Variants in B3GALT6 observed in about 807,000 individuals in gnomAD.
B3GALT6 encodes the protein beta-1,3-galactosyltransferase 6.
B3GALT6 carries 27 observed loss-of-function variants against 23.3 expected under a neutral mutation model. That is an observed-to-expected ratio of 1.16 (90% CI 0.85 to 1.60). The LOEUF is 1.60. Ranked by LOEUF, B3GALT6 falls within the 40% of genes most tolerant of loss-of-function variation. The probability of loss-of-function intolerance (pLI) is 0.00; values close to 1 mark genes in which losing one functional copy is unlikely to be tolerated. For synonymous variants in B3GALT6, 313 were observed against 232.3 expected, an observed-to-expected ratio of 1.35 and a Z score of -3.16; for missense variants, 554 against 471.1, an observed-to-expected ratio of 1.18 and a Z score of -1.63.
In B3GALT6 at chr1:1,232,772, C is replaced by CGCTGCTGGCCGA; in HGVS notation, c.500_511dup (p.Leu167_Leu170dup). On this transcript the variant is annotated inframe_insertion, in exon 1 of 1. Coordinates refer to ENST00000379198, the MANE Select transcript of B3GALT6 (RefSeq NM_080605.4). ...GACGACTCCTTCGCGCGGCTGGACG[C>CGCTGCTGGCCGA]GCTGCTGGCCGAGCTGCGCGCCCGC... The CGCTGCTGGCCGA allele has an allele frequency of 7.2e-7, 1 of 1,390,922 alleles. No individual in the cohort carries two copies. The highest frequency in any genetic ancestry group is 9.3e-7 in the Non-Finnish European group (1 of 1,074,716). The allele number at this position is 1,390,922 out of a possible 1,614,324, so 86.2% of individuals were successfully genotyped here.
chr1:1,232,983 G>A lies in B3GALT6; in HGVS notation c.705G>A (p.Leu235=). ...VHYLRLSRDY[L]RAWHSEDVSL... ...ACCTGCGCCTCAGCCGCGACTACCT[G>A]CGCGCCTGGCACAGCGAGGACGTGT... Residue 235 remains leucine, a synonymous_variant, in exon 1 of 1, where the codon CTG becomes CTA. Coordinates refer to ENST00000379198, the MANE Select transcript of B3GALT6 (RefSeq NM_080605.4). 1.3e-6 allele frequency: 2 copies of A among 1,563,860 alleles called. No homozygotes were observed. Among genetic ancestry groups the A allele is most frequent in the Non-Finnish European group, 1.7e-6 (2 of 1,162,240 alleles).
rs1443280376 is a variant in B3GALT6, at chr1:1,233,104, C to T, written c.826C>T (p.Leu276=). 7 of 1,563,814 alleles carry T rather than the reference C, an allele frequency of 4.5e-6. No homozygotes were observed. Among genetic ancestry groups the T allele is most frequent in the South Asian group, 2.3e-5 (2 of 85,890 alleles). ...YRSRGCSNQY[L]VTHKQSLEDM... ...GTCCCGCGGCTGCAGCAACCAGTAC[C>T]TGGTGACGCACAAGCAGAGCCTGGA... The change falls in exon 1 of 1, where the codon CTG becomes TTG. Residue 276 remains leucine (L), a synonymous_variant. Transcript: ENST00000379198.
In B3GALT6 at chr1:1,234,101, C is replaced by A. The variant is rs979035698; in HGVS notation, c.*833C>A. On this transcript the variant is annotated 3_prime_UTR_variant, in exon 1 of 1. Transcript: ENST00000379198. ...GTACTTTAACACATCCTTGAAAGCC[C>A]CTCGTTTAATGAGAAAAGCGAACAC... 1 of 166,842 alleles carries A rather than the reference C, an allele frequency of 6.0e-6. No individual in the cohort carries two copies. Among genetic ancestry groups the A allele is most frequent in the East Asian group, 1.9e-4 (1 of 5,210 alleles). The allele number at this position is 166,842 out of a possible 1,614,324, so 10.3% of individuals were successfully genotyped here. A position where few individuals can be genotyped will look rare whatever the true frequency, so the allele number is the denominator to read the frequency against.
At position 1,233,604 on chromosome 1, in the gene B3GALT6, C is replaced by T. The variant is rs1274284227; in HGVS notation, c.*336C>T. 1 of 278,440 alleles carries T rather than the reference C, an allele frequency of 3.6e-6. No individual in the cohort carries two copies. The highest frequency in any genetic ancestry group is 7.1e-6 in the Non-Finnish European group (1 of 140,104). 17.2% of individuals were successfully genotyped at this position (278,440 alleles called of 1,614,324 possible). On this transcript the variant is annotated 3_prime_UTR_variant, in exon 1 of 1. Coordinates refer to ENST00000379198, the MANE Select transcript of B3GALT6 (RefSeq NM_080605.4). ...TCTCACGTCTGCGTCTCAGATCTAA[C>T]GTGGTTTCACATCAATCCGCTTTCA...
At position 1,232,710 on chromosome 1, in the gene B3GALT6, C is replaced by T; in HGVS notation, c.432C>T (p.Asp144=). The T allele has an allele frequency of 9.8e-6, 14 of 1,426,506 alleles. No individual in the cohort carries two copies. The highest frequency in any genetic ancestry group is 1.2e-5 in the Non-Finnish European group (13 of 1,090,588). 88.4% of individuals were successfully genotyped at this position (1,426,506 alleles called of 1,614,324 possible). A position where few individuals can be genotyped will look rare whatever the true frequency, so the allele number is the denominator to read the frequency against. Residue 144 remains aspartate (D), a synonymous_variant, in exon 1 of 1, where the codon GAC becomes GAT. Transcript: ENST00000379198. ...AKVLAMLAWL[D]EHVAFEFVLK... ...TGCTGGCCATGCTGGCCTGGCTGGA[C>T]GAGCACGTGGCCTTCGAGTTCGTGC...
At position 1,233,740 on chromosome 1, in the gene B3GALT6, C is replaced by T. The variant is rs139603821; in HGVS notation, c.*472C>T. 2.4e-3 allele frequency: 405 copies of T among 171,122 alleles called. 1 individual carries two copies. The highest frequency in any genetic ancestry group is 2.9e-3 in the Non-Finnish European group (205 of 71,196). The allele number at this position is 171,122 out of a possible 1,614,324, so 10.6% of individuals were successfully genotyped here. The stretch of plus-strand genomic sequence containing the variant: ...TGTCGATGAGTGTAAGTTGGCAGTG[C>T]GCACGTCTCGGTTTTTTTACATGAT... On this transcript the variant is annotated 3_prime_UTR_variant, in exon 1 of 1. Transcript: ENST00000379198.
chr1:1,233,457 G>C lies in B3GALT6; in HGVS notation c.*189G>C, dbSNP rs1181063645. On this transcript the variant is annotated 3_prime_UTR_variant, in exon 1 of 1. Coordinates refer to ENST00000379198, the MANE Select transcript of B3GALT6 (RefSeq NM_080605.4). ...GGGCAGCGCGCCGTGTCCAGGTGGA[G>C]GTGCCCGTTCCTGGACCTCAGCGAG... The C allele has an allele frequency of 1.3e-6, 1 of 751,386 alleles. No homozygotes were observed. Among genetic ancestry groups the C allele is most frequent in the African/African-American group, 1.9e-5 (1 of 53,176 alleles). The allele number at this position is 751,386 out of a possible 1,614,324, so 46.5% of individuals were successfully genotyped here.
rs1186563013 is a variant in B3GALT6, at chr1:1,232,470, C to T, written c.192C>T (p.Ala64=). Residue 64 remains alanine (A), a synonymous_variant, in exon 1 of 1, where the codon GCC becomes GCT. Transcript: ENST00000379198. ...CCGCCTTCCTGGCAGTGCTGGTGGC[C>T]AGCGCGCCCCGCGCCGCCGAGCGCC... ...RAAAFLAVLV[A]SAPRAAERRS... 6 of 1,011,274 alleles carry T rather than the reference C, an allele frequency of 5.9e-6. No homozygotes were observed. The highest frequency in any genetic ancestry group is 4.5e-5 in the South Asian group (1 of 22,388). 62.6% of individuals were successfully genotyped at this position (1,011,274 alleles called of 1,614,324 possible).
Position 1,233,374 on chromosome 1 carries a change from G to A in B3GALT6, c.*106G>A. The A allele has an allele frequency of 7.6e-7, 1 of 1,319,508 alleles. No individual in the cohort carries two copies. The highest frequency in any genetic ancestry group is 9.8e-7 in the Non-Finnish European group (1 of 1,021,860). The allele number at this position is 1,319,508 out of a possible 1,614,324, so 81.7% of individuals were successfully genotyped here. A position where few individuals can be genotyped will look rare whatever the true frequency, so the allele number is the denominator to read the frequency against. On this transcript the variant is annotated 3_prime_UTR_variant, in exon 1 of 1. Transcript: ENST00000379198. The stretch of plus-strand genomic sequence containing the variant: ...CGGGCCCCAAGGCCCCCGTCCCGCA[G>A]CCACGCTTGTGGTCGCTGCGTCCCG...
chr1:1,233,264 C>T lies in B3GALT6; in HGVS notation c.986C>T (p.Pro329Leu), dbSNP rs1009490578. 8 of 1,456,996 alleles carry T rather than the reference C, an allele frequency of 5.5e-6. No homozygotes were observed. The highest frequency in any genetic ancestry group is 7.2e-6 in the Non-Finnish European group (8 of 1,106,462). 90.3% of individuals were successfully genotyped at this position (1,456,996 alleles called of 1,614,324 possible). ...TGCTGCCAGAGAAGGGAGGGCATCC[C>T]CTGAGCCGCCGCGGCCCGGCCCTCC... ...SQCCQRREGI[P>L] Residue 329 changes from proline to leucine, a missense_variant, in exon 1 of 1, where the codon CCC becomes CTC. Transcript: ENST00000379198.
Position 1,232,639 on chromosome 1 carries a change from C to G in B3GALT6, c.361C>G (p.Leu121Val). ...GCAGGCGCGGCACGGGGACCTGCTG[C>G]TGCTGCCCGCGCTGCGCGACGCCTA... The part of the protein sequence containing the change: ...REQARHGDLL[L>V]LPALRDAYEN... Residue 121 changes from leucine to valine, a missense_variant, in exon 1 of 1, where the codon CTG becomes GTG. Transcript: ENST00000379198. 7.8e-7 allele frequency: 1 copy of G among 1,281,040 alleles called. No homozygotes were observed. Among genetic ancestry groups the G allele is most frequent in the African/African-American group, 1.5e-5 (1 of 65,118 alleles). The allele number at this position is 1,281,040 out of a possible 1,614,324, so 79.4% of individuals were successfully genotyped here.
chr1:1,233,474 C>A lies in B3GALT6; in HGVS notation c.*206C>A. On this transcript the variant is annotated 3_prime_UTR_variant, in exon 1 of 1. Transcript: ENST00000379198. Reference sequence around the variant, plus strand: ...CAGGTGGAGGTGCCCGTTCCTGGACCTCAGCGAGCCTGAGCCGGGCCCGGC... The same window carrying A: ...CAGGTGGAGGTGCCCGTTCCTGGACATCAGCGAGCCTGAGCCGGGCCCGGC... 1 of 620,798 alleles carries A rather than the reference C, an allele frequency of 1.6e-6. No homozygotes were observed. Among genetic ancestry groups the A allele is most frequent in the Non-Finnish European group, 2.5e-6 (1 of 405,282 alleles). The allele number at this position is 620,798 out of a possible 1,614,324, so 38.5% of individuals were successfully genotyped here.
chr1:1,232,915 G>A lies in B3GALT6; in HGVS notation c.637G>A (p.Ala213Thr). The change falls in exon 1 of 1, where the codon GCG becomes ACG. Residue 213 changes from alanine to threonine, a missense_variant. Coordinates refer to ENST00000379198, the MANE Select transcript of B3GALT6 (RefSeq NM_080605.4). ...WQLCDYYLPY[A>T]LGGGYVLSAD... The stretch of plus-strand genomic sequence containing the variant: ...ACTCTGCGACTACTACCTGCCCTAC[G>A]CGCTGGGCGGCGGCTACGTGCTCTC... The A allele has an allele frequency of 6.4e-7, 1 of 1,566,224 alleles. No individual in the cohort carries two copies. Among genetic ancestry groups the A allele is most frequent in the Non-Finnish European group, 8.6e-7 (1 of 1,165,524 alleles).
In B3GALT6 at chr1:1,233,233, T is replaced by A; in HGVS notation, c.955T>A (p.Ser319Thr). Residue 319 changes from serine to threonine, a missense_variant, in exon 1 of 1, where the codon TCG (serine) becomes ACG (threonine). Ser to Thr is a moderately conservative substitution (Grantham distance 58). Transcript: ENST00000379198. Reference protein sequence around the residue: ...SYVYDWSAPPSQCCQRREGIP With the variant: ...SYVYDWSAPPTQCCQRREGIP ...CGTGTACGACTGGTCCGCGCCGCCCTCGCAGTGCTGCCAGAGAAGGGAGGG... is the reference window on the plus strand; with the variant it reads ...CGTGTACGACTGGTCCGCGCCGCCCACGCAGTGCTGCCAGAGAAGGGAGGG... 1 of 1,494,208 alleles carries A rather than the reference T, an allele frequency of 6.7e-7. No homozygotes were observed. The highest frequency in any genetic ancestry group is 1.3e-5 in the South Asian group (1 of 79,536). The allele number at this position is 1,494,208 out of a possible 1,614,324, so 92.6% of individuals were successfully genotyped here. A position where few individuals can be genotyped will look rare whatever the true frequency, so the allele number is the denominator to read the frequency against.
Position 1,234,102 on chromosome 1 carries a change from C to G in B3GALT6, c.*834C>G, listed in dbSNP as rs1009520796. The G allele has an allele frequency of 1.2e-5, 2 of 166,898 alleles. No homozygotes were observed. The highest frequency in any genetic ancestry group is 2.4e-5 in the African/African-American group (1 of 41,454). 10.3% of individuals were successfully genotyped at this position (166,898 alleles called of 1,614,324 possible). ...TACTTTAACACATCCTTGAAAGCCC[C>G]TCGTTTAATGAGAAAAGCGAACACT... On this transcript the variant is annotated 3_prime_UTR_variant, in exon 1 of 1. Coordinates refer to ENST00000379198, the MANE Select transcript of B3GALT6 (RefSeq NM_080605.4).
rs2100993592 is a variant in B3GALT6 at position 1,232,547 on chromosome 1, T to TGTGGGCGCGCTTTGCC, written c.276_291dup (p.Thr98AlafsTer350). On this transcript the variant is annotated frameshift_variant, in exon 1 of 1. Transcript: ENST00000379198. LOFTEE classifies it high-confidence loss of function. ...GCGCGGCGCGGGGCCCCGGGCGACG[T>TGTGGGCGCGCTTTGCC]GTGGGCGCGCTTTGCCGTGGGCACG... is the stretch of plus-strand genomic sequence containing the variant. 1 of 1,166,530 alleles carries TGTGGGCGCGCTTTGCC rather than the reference T, an allele frequency of 8.6e-7. No individual in the cohort carries two copies. Among genetic ancestry groups the TGTGGGCGCGCTTTGCC allele is most frequent in the Admixed American group, 4.7e-5 (1 of 21,268 alleles). The allele number at this position is 1,166,530 out of a possible 1,614,324, so 72.3% of individuals were successfully genotyped here. A position where few individuals can be genotyped will look rare whatever the true frequency, so the allele number is the denominator to read the frequency against.
chr1:1,233,300 C>G lies in B3GALT6; in HGVS notation c.*32C>G. 1 of 1,408,098 alleles carries G rather than the reference C, an allele frequency of 7.1e-7. No homozygotes were observed. The highest frequency in any genetic ancestry group is 9.2e-7 in the Non-Finnish European group (1 of 1,088,230). The allele number at this position is 1,408,098 out of a possible 1,614,324, so 87.2% of individuals were successfully genotyped here. Reference sequence around the variant, plus strand: ...GCGGCCCGGCCCTCCGGGACACCTGCTTCACCCGGCGGCGCCTTGGGGCAG... The same window carrying G: ...GCGGCCCGGCCCTCCGGGACACCTGGTTCACCCGGCGGCGCCTTGGGGCAG... On this transcript the variant is annotated 3_prime_UTR_variant, in exon 1 of 1. Transcript: ENST00000379198.
Position 1,234,651 on chromosome 1 carries a change from C to G in B3GALT6, c.*1383C>G, listed in dbSNP as rs1446786202. 6.0e-6 allele frequency: 1 copy of G among 166,884 alleles called. No homozygotes were observed. The highest frequency in any genetic ancestry group is 1.5e-5 in the Non-Finnish European group (1 of 68,160). The allele number at this position is 166,884 out of a possible 1,614,324, so 10.3% of individuals were successfully genotyped here. A position where few individuals can be genotyped will look rare whatever the true frequency, so the allele number is the denominator to read the frequency against. On this transcript the variant is annotated 3_prime_UTR_variant, in exon 1 of 1. Coordinates refer to ENST00000379198, the MANE Select transcript of B3GALT6 (RefSeq NM_080605.4). The stretch of plus-strand genomic sequence containing the variant: ...GGTGTGAGCAGGATGGGGCCCTGCC[C>G]TCCCGTGGGAGTTGTGGACTCGAGC...
In B3GALT6 at chr1:1,233,471, G is replaced by A. The variant is rs1052599514; in HGVS notation, c.*203G>A. ...GTCCAGGTGGAGGTGCCCGTTCCTG[G>A]ACCTCAGCGAGCCTGAGCCGGGCCC... On this transcript the variant is annotated 3_prime_UTR_variant, in exon 1 of 1. Coordinates refer to ENST00000379198, the MANE Select transcript of B3GALT6 (RefSeq NM_080605.4). 2 of 648,474 alleles carry A rather than the reference G, an allele frequency of 3.1e-6. No individual in the cohort carries two copies. Among genetic ancestry groups the A allele is most frequent in the South Asian group, 3.7e-5 (1 of 26,802 alleles). 40.2% of individuals were successfully genotyped at this position (648,474 alleles called of 1,614,324 possible).
Sources: allele counts gnomAD v4.1 joint callset, GRCh38; gene constraint gnomAD v4.1.1; transcripts MANE v1.5; gene names NCBI Gene and HGNC (gene_info 2026-07-23, HGNC 2026-07-21).